The following GNA14 variants were observed in gnomAD, a reference collection of about 807,000 sequenced individuals.
The protein encoded by GNA14 is guanine nucleotide-binding protein subunit alpha-14.
GNA14 carries 50 observed loss-of-function variants against 42.0 expected under a neutral mutation model. The observed-to-expected ratio is 1.19, with a 90% CI of 0.95 to 1.51. The LOEUF (loss-of-function observed/expected upper bound fraction) is 1.51, where lower values mean the gene tolerates loss of function less well. Among genes scored for constraint, GNA14 ranks in the 40% most tolerant of loss-of-function variants. The probability of loss-of-function intolerance (pLI) is 0.00; values close to 1 mark genes in which losing one functional copy is unlikely to be tolerated. For synonymous variants in GNA14, 173 were observed against 163.1 expected (o/e 1.06, Z -0.46); for missense variants, 473 against 446.2 (o/e 1.06, Z -0.54).
chr9:77,604,103 A>G (rs943119536), intron 1 of GNA14, among the ~76,000 whole-genome samples: 5 of 152,144 alleles, frequency 3.3e-5, no homozygotes, highest in African/African-American at 9.7e-5. Context: ...TTTTGTAAAT[A>G]TAAGACTTCA....
At chr9:77,643,478 A>C (rs1824301777) in intron 1 of GNA14, among the ~76,000 whole-genome samples, 1 of 152,060 alleles carries the variant, frequency 6.6e-6, no homozygotes, top group Admixed American at 6.5e-5. Context: ...ACCTCAGGTG[A>C]TCCGCCCGCC....
intron 1 of GNA14, among the ~76,000 whole-genome samples, chr9:77,535,892 GTTT>G (rs113315168): frequency 4.6e-5 from 4 of 87,624 alleles, no homozygotes; most frequent in South Asian, 3.4e-4. Context: ...TAGTTGTTTT[GTTT>G]TTTTTTTTTT....
intron 1 of GNA14, among the ~76,000 whole-genome samples, chr9:77,609,964 C>A (rs1823704795): frequency 6.6e-6 from 1 of 152,152 alleles, no homozygotes; most frequent in African/African-American, 2.4e-5. Flanking sequence ...GCTCATCAAA[C>A]AACCAGGGAA....
At chr9:77,532,919 A>G (rs13287484) in intron 1 of GNA14, among the ~76,000 whole-genome samples, 16,403 of 152,056 alleles carry the variant, frequency 0.11, 1,132 homozygotes, top group Non-Finnish European at 0.14. Context: ...TGAAAGGTGA[A>G]TTTTGGTGTC....
chr9:77,485,460 T>C (rs935121572), intron 2 of GNA14, among the ~76,000 whole-genome samples: 3 of 152,184 alleles, frequency 2.0e-5, no homozygotes, highest in African/African-American at 7.2e-5. Context: ...TGGAATCAAC[T>C]TATGCCTAAC....
chr9:77,472,106 T>A (rs941942015), intron 2 of GNA14, among the ~76,000 whole-genome samples: 1 of 152,086 alleles, frequency 6.6e-6, no homozygotes, highest in African/African-American at 2.4e-5. Context: ...ACCAACTCCA[T>A]ACAGCTTTGC....
rs537446363 is a variant in GNA14, at chr9:77,540,061, C to A, written c.125-10808G>T. Among the ~76,000 whole-genome samples the A allele has an allele frequency of 7.9e-5, 12 of 151,842 alleles. No homozygotes were observed. The East Asian group carries it at 2.3e-3, about 29-fold the overall frequency. Reference sequence around the variant, plus strand: ...TTTGGTTTGTTCTTGTATTTTAGTTCCTTGGGATGCATCATTAGGCTATTT... The same window carrying A: ...TTTGGTTTGTTCTTGTATTTTAGTTACTTGGGATGCATCATTAGGCTATTT... On this transcript the variant is annotated intron_variant, in intron 1 of 6. Transcript: ENST00000341700.
At chr9:77,466,359 G>A (rs773791014) in intron 2 of GNA14, among the ~76,000 whole-genome samples, 4 of 151,996 alleles carry the variant, frequency 2.6e-5, no homozygotes, top group African/African-American at 7.3e-5. Context: ...AGTTCACACC[G>A]ATTTTTTCCT....
chr9:77,523,733 G>C (rs1431903094), intron 2 of GNA14, among the ~76,000 whole-genome samples: 1 of 152,212 alleles, frequency 6.6e-6, no homozygotes, highest in Non-Finnish European at 1.5e-5. Context: ...GAAGGAGCTA[G>C]GGTCAGCTGT....
At chr9:77,481,817 CTCTTTTCA>C (rs1836557283) in intron 2 of GNA14, among the ~76,000 whole-genome samples, 1 of 152,114 alleles carries the variant, frequency 6.6e-6, no homozygotes, top group South Asian at 2.1e-4. Flanking sequence ...CCTTCTTTGT[CTCTTTTCA>C]TCTTTGTTGG....
At chr9:77,570,679 T>C (rs550129139) in intron 1 of GNA14, among the ~76,000 whole-genome samples, 5 of 152,364 alleles carry the variant, frequency 3.3e-5, no homozygotes, top group Non-Finnish European at 5.9e-5. Flanking sequence ...TTGGCTACTA[T>C]GGATAATGCT....
intron 2 of GNA14, among the ~76,000 whole-genome samples, chr9:77,514,157 A>G (rs1029282470): frequency 3.9e-5 from 6 of 152,222 alleles, no homozygotes; most frequent in African/African-American, 7.2e-5. Context: ...CTTGCAACTC[A>G]GAAGCAATAT....
intron 2 of GNA14, among the ~76,000 whole-genome samples, chr9:77,440,287 G>A (rs912028668): frequency 1.4e-4 from 22 of 152,222 alleles, no homozygotes; most frequent in Admixed American, 9.8e-4. Flanking sequence ...CCGGTTTCAC[G>A]CAGGGATCCG....
intron 1 of GNA14, among the ~76,000 whole-genome samples, chr9:77,593,524 G>A (rs866762866): frequency 1.3e-5 from 2 of 152,090 alleles, no homozygotes; most frequent in South Asian, 2.1e-4. Flanking sequence ...TGGCCAGGCT[G>A]GTCTCGAACT....
In GNA14 at chr9:77,425,736, T is replaced by G. The variant is rs757787418; in HGVS notation, c.724-21A>C. ...CGATTCTAAGTGAAAAACAAGGGAC[T>G]TGGGATGAAGTAGAAAGGAAATATT... On this transcript the variant is annotated intron_variant, in intron 5 of 6. Transcript: ENST00000341700. 8.3e-6 allele frequency: 13 copies of G among 1,568,032 alleles called. No individual in the cohort carries two copies. In the African/African-American group the frequency reaches 1.7e-4, roughly 20 times the overall value.
At chr9:77,475,287 G>A (rs780830552) in intron 2 of GNA14, among the ~76,000 whole-genome samples, 40 of 152,108 alleles carry the variant, frequency 2.6e-4, no homozygotes, top group Non-Finnish European at 4.9e-4. Context: ...AATCACCTAC[G>A]CCCACAGTCA....
intron 1 of GNA14, among the ~76,000 whole-genome samples, chr9:77,537,427 G>T (rs183587382): frequency 9.9e-5 from 15 of 152,016 alleles, no homozygotes; most frequent in Non-Finnish European, 1.9e-4. Flanking sequence ...TTTTTCTATG[G>T]CTGAATAGTA....
At chr9:77,643,131 T>C (rs1255728734) in intron 1 of GNA14, among the ~76,000 whole-genome samples, 2 of 152,200 alleles carry the variant, frequency 1.3e-5, no homozygotes, top group African/African-American at 4.8e-5. Flanking sequence ...CCCTGCACTG[T>C]GGCTGGCACC....
intron 4 of GNA14, among the ~76,000 whole-genome samples, chr9:77,429,968 A>G (rs1835518189): frequency 6.6e-6 from 1 of 152,090 alleles, no homozygotes; most frequent in South Asian, 2.1e-4. Flanking sequence ...GCACTGGGTC[A>G]TTGTGGTTAG....
Sources: gnomAD v4.1 joint callset for allele counts (sites outside exome capture counted in the v4.1 genomes callset) on GRCh38, gnomAD v4.1.1 for gene constraint, MANE v1.5 for transcripts, NCBI Gene and HGNC (gene_info 2026-07-23, HGNC 2026-07-21) for gene names.